The following CNTN3 variants were observed in gnomAD, a reference collection of about 807,000 sequenced individuals.
CNTN3 encodes contactin 3, also known as contactin-3.
CNTN3 carries 60 observed loss-of-function variants against 119.1 expected under a neutral mutation model. That is an observed-to-expected ratio of 0.50 (90% CI 0.41 to 0.62). The LOEUF is 0.62. CNTN3 is among the 20% of genes least tolerant of loss of function. The pLI, the probability that CNTN3 is intolerant of heterozygous loss-of-function variation, is 0.00. For synonymous variants in CNTN3, 450 were observed against 438.7 expected (o/e 1.03, Z -0.32); for missense variants, 1,101 against 1,242.4 (o/e 0.89, Z 1.71).
intron 4 of CNTN3, among the ~76,000 whole-genome samples, chr3:74,450,927 G>A (rs1702141710): frequency 1.3e-5 from 2 of 151,884 alleles, no homozygotes; most frequent in Admixed American, 6.6e-5. Flanking sequence ...TGGACATTTG[G>A]GTTGGTTCCA....
intron 20 of CNTN3, among the ~76,000 whole-genome samples, chr3:74,275,785 A>T (rs1701867179): frequency 6.6e-6 from 1 of 152,170 alleles, no homozygotes; most frequent in Non-Finnish European, 1.5e-5. Context: ...ATGGTACCTC[A>T]CACCTCAATA....
chr3:74,455,506 A>T (rs1292739170), intron 4 of CNTN3, among the ~76,000 whole-genome samples: 1 of 152,108 alleles, frequency 6.6e-6, no homozygotes, highest in Non-Finnish European at 1.5e-5. Context: ...GACTCGTCAA[A>T]GTCATTCTCC....
At chr3:74,264,577 G>T in intron 22 of CNTN3, 76 bp from the exon 23 acceptor site, 3 of 893,056 alleles carry the variant, frequency 3.4e-6, no homozygotes, top group Non-Finnish European at 5.1e-6. Context: ...CTGGATATTT[G>T]TGGTGTTCCC....
intron 11 of CNTN3, among the ~76,000 whole-genome samples, chr3:74,352,036 G>C (rs1432556055): frequency 6.6e-6 from 1 of 152,182 alleles, no homozygotes; most frequent in African/African-American, 2.4e-5. Context: ...CTCTTTAAGA[G>C]AAGAGTTCTG....
chr3:74,578,145 T>G (rs551139661), intron 1 of CNTN3, among the ~76,000 whole-genome samples: 2 of 152,104 alleles, frequency 1.3e-5, no homozygotes, highest in South Asian at 2.1e-4. Context: ...GAAATCCACA[T>G]TTTTGCTCAG....
chr3:74,455,402 G>T (rs893085075), intron 4 of CNTN3, among the ~76,000 whole-genome samples: 17 of 150,496 alleles, frequency 1.1e-4, no homozygotes, highest in Admixed American at 6.7e-4. Flanking sequence ...TTATACATTC[G>T]TCTAAATTTT....
intron 9 of CNTN3, 99 bp downstream of exon 9, chr3:74,365,467 T>C: frequency 6.9e-7 from 1 of 1,458,716 alleles, no homozygotes; most frequent in East Asian, 2.3e-5. Flanking sequence ...ACAGTTTATT[T>C]TGGGACTAGG....
chr3:74,471,668 T>C (rs1420262946), intron 4 of CNTN3, among the ~76,000 whole-genome samples: 2 of 152,202 alleles, frequency 1.3e-5, no homozygotes, highest in Admixed American at 1.3e-4. Flanking sequence ...TGTCATTCTC[T>C]GACTTGTTGG....
Position 74,402,382 on chromosome 3 carries a change from T to C in CNTN3, c.454+22463A>G, listed in dbSNP as rs530705441. 3.3e-5 allele frequency among the ~76,000 whole-genome samples: 5 copies of C among 152,330 alleles called. No individual in the cohort carries two copies. In the South Asian group the frequency reaches 8.3e-4, roughly 25 times the overall value. On this transcript the variant is annotated intron_variant, in intron 5 of 22. Coordinates refer to ENST00000263665, the MANE Select transcript of CNTN3 (RefSeq NM_020872.3). ...TTAAATATCATCTAATCTTACAAAA[T>C]GTAAATCTTCCTTGGAACTCATCAA...
chr3:74,375,998 G>C (rs1415353113), intron 5 of CNTN3, among the ~76,000 whole-genome samples: 2 of 152,048 alleles, frequency 1.3e-5, no homozygotes, highest in Non-Finnish European at 2.9e-5. Flanking sequence ...GGGCAGGAGA[G>C]TCAAAGAAGG....
intron 4 of CNTN3, among the ~76,000 whole-genome samples, chr3:74,460,250 TC>T (rs1292201863): frequency 6.6e-6 from 1 of 152,046 alleles, no homozygotes; most frequent in Non-Finnish European, 1.5e-5. Flanking sequence ...TCTGAGCCTT[TC>T]TATATAAATT....
At chr3:74,401,516 G>GCA (rs139654677) in intron 5 of CNTN3, among the ~76,000 whole-genome samples, 6,347 of 150,582 alleles carry the variant, frequency 0.042, 411 homozygotes, top group African/African-American at 0.14. Context: ...ACGCGCGCAC[G>GCA]CACACACACA....
rs754780379 is a variant in CNTN3, at chr3:74,301,695, T to C, written c.1897A>G (p.Ile633Val). The C allele has an allele frequency of 2.5e-6, 4 of 1,614,000 alleles. No homozygotes were observed. Among genetic ancestry groups the C allele is most frequent in the Non-Finnish European group, 1.7e-6 (2 of 1,179,978 alleles). The change falls in exon 15 of 23, where the codon ATC becomes GTC. Residue 633 changes from isoleucine (I) to valine (V), a missense_variant. Physicochemically the swap from Ile to Val is conservative, Grantham distance 29. Coordinates refer to ENST00000263665, the MANE Select transcript of CNTN3 (RefSeq NM_020872.3). ...ACGGAGAAAGGTGTCCGAGCCTGGA[T>C]AGAATAGGATATAACTGGGCTATGG... Reference protein sequence around the residue: ...DNHSPVISYSIQARTPFSVGW... With the variant: ...DNHSPVISYSVQARTPFSVGW...
chr3:74,491,540 G>C (rs949258310), intron 3 of CNTN3, among the ~76,000 whole-genome samples: 1 of 152,006 alleles, frequency 6.6e-6, no homozygotes, highest in African/African-American at 2.4e-5. Context: ...AAAAAAACTT[G>C]AAGGGATACG....
chr3:74,426,022 AT>A (rs1342551351), intron 4 of CNTN3, among the ~76,000 whole-genome samples: 2 of 152,158 alleles, frequency 1.3e-5, no homozygotes, highest in Non-Finnish European at 2.9e-5. Context: ...TGCAAATACT[AT>A]TTTGATTACC....
intron 5 of CNTN3, among the ~76,000 whole-genome samples, chr3:74,402,400 C>A (rs1705221196): frequency 6.6e-6 from 1 of 152,158 alleles, no homozygotes; most frequent in South Asian, 2.1e-4. Context: ...TTCCTTGGAA[C>A]TCATCAATTT....
intron 13 of CNTN3, among the ~76,000 whole-genome samples, chr3:74,306,986 G>T (rs148394981): frequency 2.6e-5 from 4 of 152,194 alleles, no homozygotes; most frequent in African/African-American, 9.6e-5. Flanking sequence ...GTACATTGGG[G>T]GAATCTAGAA....
In CNTN3 at chr3:74,440,500, C is replaced by T. The variant is rs375835899; in HGVS notation, c.359-15560G>A. Among the ~76,000 whole-genome samples the T allele has an allele frequency of 2.7e-3, 393 of 146,880 alleles. 2 individuals are homozygous for T. Among genetic ancestry groups the T allele is most frequent in the African/African-American group, 9.3e-3 (373 of 40,094 alleles). ...GCAAATAGCAAAAAAAAAAAAAAGT[C>T]TCCCATAAAATATAACTGTGGAATG... is the stretch of plus-strand genomic sequence containing the variant. On this transcript the variant is annotated intron_variant, in intron 4 of 22. Coordinates refer to ENST00000263665, the MANE Select transcript of CNTN3 (RefSeq NM_020872.3).
chr3:74,380,568 C>T (rs1704587999), intron 5 of CNTN3, among the ~76,000 whole-genome samples: 1 of 152,158 alleles, frequency 6.6e-6, no homozygotes, highest in African/African-American at 2.4e-5. Flanking sequence ...ATTTACACTG[C>T]CCTTGCAAAA....
Sources: allele counts gnomAD v4.1 joint callset (sites outside exome capture counted in the v4.1 genomes callset), GRCh38; gene constraint gnomAD v4.1.1; transcripts MANE v1.5; gene names NCBI Gene and HGNC (gene_info 2026-07-23, HGNC 2026-07-21).